The following ZNF586 variants were observed in gnomAD, a reference collection of about 807,000 sequenced individuals.
ZNF586 encodes zinc finger protein 586.
A neutral mutation model predicts 6.7 loss-of-function variants in ZNF586; 7 were observed. The observed-to-expected ratio is 1.04, with a 90% confidence interval of 0.59 to 1.95. ZNF586 has a LOEUF of 1.95. Ranked by LOEUF, ZNF586 falls within the 30% of genes most tolerant of loss-of-function variation. ZNF586 has a pLI of 0.00. For synonymous variants in ZNF586, 166 were observed against 168.7 expected (o/e 0.98, Z 0.12); for missense variants, 442 against 489.6 (o/e 0.90, Z 0.92).
intron 2 of ZNF586, among the ~76,000 whole-genome samples, chr19:57,777,028 G>A (rs530286332): frequency 2.6e-5 from 4 of 152,056 alleles, no homozygotes; most frequent in African/African-American, 9.7e-5. Flanking sequence ...ACGAATTGTC[G>A]TCACTGATGT....
In ZNF586 at chr19:57,779,551, T is replaced by A; in HGVS notation, c.964T>A (p.Cys322Ser). 10 of 1,613,798 alleles carry A rather than the reference T, an allele frequency of 6.2e-6. No individual in the cohort carries two copies. Among genetic ancestry groups the A allele is most frequent in the Non-Finnish European group, 8.5e-6 (10 of 1,179,968 alleles). The change falls in exon 3 of 3, where the codon TGT becomes AGT. Residue 322 changes from cysteine (C) to serine (S), a missense_variant. Cys to Ser is a moderately radical substitution (Grantham distance 112). Coordinates refer to ENST00000396154, the MANE Select transcript of ZNF586 (RefSeq NM_017652.4). ...HTGERHECGQ[C>S]GKSFSRKSSL... ...TGGAGAAAGGCATGAGTGCGGGCAGTGTGGGAAATCCTTTAGCCGAAAATC... is the reference window on the plus strand; with the variant it reads ...TGGAGAAAGGCATGAGTGCGGGCAGAGTGGGAAATCCTTTAGCCGAAAATC...
chr19:57,770,016 T>A, intron 1 of ZNF586, 138 bp downstream of exon 1: 3 of 802,572 alleles, frequency 3.7e-6, no homozygotes, highest in Non-Finnish European at 5.6e-6. Flanking sequence ...GTGGGATCCC[T>A]GTTTCCGACA....
chr19:57,775,163 AT>A (rs1483239061), intron 1 of ZNF586, among the ~76,000 whole-genome samples: 8 of 151,920 alleles, frequency 5.3e-5, no homozygotes, highest in Non-Finnish European at 1.2e-4. Context: ...CACCCGGCTA[AT>A]TTTTGTATTT....
chr19:57,776,424 C>A, intron 1 of ZNF586, 119 bp from the exon 2 acceptor site: 1 of 1,331,458 alleles, frequency 7.5e-7, no homozygotes, highest in South Asian at 1.6e-5. Context: ...CAAAATTTCT[C>A]CTCTGAGTTG....
In ZNF586 at chr19:57,776,612, C is replaced by T. The variant is rs868685360; in HGVS notation, c.106C>T (p.Gln36Ter). Residue 36 changes from glutamine (Q) to a stop codon, truncating the protein, a stop_gained, in exon 2 of 3, where the codon CAG becomes TAG. Transcript: ENST00000396154. LOFTEE classifies it high-confidence loss of function. The stretch of plus-strand genomic sequence containing the variant: ...GGAATGGAGTCTTCTTAATGAGGCT[C>T]AGAGATGCCTGTACCGTGACGTGAT... The part of the protein sequence containing the change: ...LEEWSLLNEA[Q>*]RCLYRDVMLE... 6.2e-7 allele frequency: 1 copy of T among 1,613,550 alleles called. No individual in the cohort carries two copies. Among genetic ancestry groups the T allele is most frequent in the South Asian group, 1.1e-5 (1 of 91,042 alleles).
intron 1 of ZNF586, 149 bp downstream of exon 1, chr19:57,770,027 C>T (rs921255844): frequency 2.7e-6 from 2 of 750,620 alleles, no homozygotes; most frequent in South Asian, 2.0e-5. Context: ...GTTTCCGACA[C>T]CCAGTTGATG....
intron 1 of ZNF586, among the ~76,000 whole-genome samples, chr19:57,770,590 G>C (rs1987071164): frequency 6.6e-6 from 1 of 152,232 alleles, no homozygotes; most frequent in Admixed American, 6.5e-5. Flanking sequence ...TGAGGACATT[G>C]AGAGGTTGAA....
At chr19:57,771,661 T>C (rs1297421007) in intron 1 of ZNF586, among the ~76,000 whole-genome samples, 1 of 152,084 alleles carries the variant, frequency 6.6e-6, no homozygotes, top group Non-Finnish European at 1.5e-5. Flanking sequence ...ACCAATTTCT[T>C]AATAGGCGCT....
chr19:57,774,861 C>A, intron 1 of ZNF586: 1 of 527,986 alleles, frequency 1.9e-6, no homozygotes, highest in Non-Finnish European at 2.4e-6. Context: ...CCAGTACTAC[C>A]TCACATGGTC....
chr19:57,771,368 C>G (rs1012280408), intron 1 of ZNF586, among the ~76,000 whole-genome samples: 1 of 151,546 alleles, frequency 6.6e-6, no homozygotes, highest in African/African-American at 2.4e-5. Context: ...GTCTCGAACC[C>G]TTGGGCTCAA....
intron 1 of ZNF586, among the ~76,000 whole-genome samples, chr19:57,775,620 T>TTTGG (rs1987215872): frequency 6.7e-6 from 1 of 149,470 alleles, no homozygotes; most frequent in African/African-American, 2.5e-5. Flanking sequence ...TTTTTTTTTT[T>TTTGG]GAGACAGGGT....
intron 1 of ZNF586, among the ~76,000 whole-genome samples, chr19:57,772,673 T>TA (rs1987125245): frequency 6.6e-6 from 1 of 152,152 alleles, no homozygotes; most frequent in African/African-American, 2.4e-5. Flanking sequence ...AAGAGATGCA[T>TA]AAGGGGAAGC....
chr19:57,777,022 A>G (rs1413312748), intron 2 of ZNF586, among the ~76,000 whole-genome samples: 1 of 152,028 alleles, frequency 6.6e-6, no homozygotes, highest in Non-Finnish European at 1.5e-5. Context: ...CATGCTACGA[A>G]TTGTCGTCAC....
intron 1 of ZNF586, among the ~76,000 whole-genome samples, chr19:57,771,663 A>T (rs142377188): frequency 3.3e-5 from 5 of 152,222 alleles, no homozygotes; most frequent in African/African-American, 1.2e-4. Context: ...CAATTTCTTA[A>T]TAGGCGCTGT....
Position 57,778,839 on chromosome 19 carries a change from A to G in ZNF586, c.252A>G (p.Gly84=). The G allele has an allele frequency of 1.2e-6, 2 of 1,614,232 alleles. No individual in the cohort carries two copies. Among genetic ancestry groups the G allele is most frequent in the Non-Finnish European group, 1.7e-6 (2 of 1,180,050 alleles). Residue 84 remains glycine (G), a synonymous_variant, in exon 3 of 3, where the codon GGA becomes GGG. Transcript: ENST00000396154. ...ACAAAGACCAGGGAGGTCATAGTGG[A>G]GAAAGGCCTTATGAGTGTGGGGAAT... ...HIYKDQGGHS[G]ERPYECGEYR...
In ZNF586 at chr19:57,779,299, G is replaced by C; in HGVS notation, c.712G>C (p.Glu238Gln). ...HTGERPYECSECGRSFAENSS... is the reference protein window; with the variant it reads ...HTGERPYECSQCGRSFAENSS... ...TGGAGAGAGGCCTTATGAGTGCAGT[G>C]AATGTGGGAGATCCTTTGCTGAAAA... Residue 238 changes from glutamate (E) to glutamine (Q), a missense_variant, in exon 3 of 3, where the codon GAA (glutamate) becomes CAA (glutamine). Physicochemically the swap from Glu to Gln is conservative, Grantham distance 29. Coordinates refer to ENST00000396154, the MANE Select transcript of ZNF586 (RefSeq NM_017652.4). 3.1e-6 allele frequency: 5 copies of C among 1,614,116 alleles called. No homozygotes were observed. Among genetic ancestry groups the C allele is most frequent in the Admixed American group, 3.3e-5 (2 of 60,022 alleles).
intron 1 of ZNF586, among the ~76,000 whole-genome samples, chr19:57,773,978 G>A (rs1320142053): frequency 1.3e-5 from 2 of 152,254 alleles, no homozygotes; most frequent in South Asian, 4.1e-4. Context: ...CACTGTGGGA[G>A]GCCAAGGTGG....
chr19:57,775,870 G>A (rs1987223990), intron 1 of ZNF586, among the ~76,000 whole-genome samples: 1 of 152,144 alleles, frequency 6.6e-6, no homozygotes, highest in Non-Finnish European at 1.5e-5. Flanking sequence ...CCAAATTACT[G>A]GGATTACAGG....
intron 1 of ZNF586, among the ~76,000 whole-genome samples, chr19:57,775,971 G>T (rs144284632): frequency 3.9e-5 from 6 of 152,332 alleles, no homozygotes; most frequent in African/African-American, 9.6e-5. Context: ...TCTCTCAAGC[G>T]CTGAGCATAT....
Sources: gnomAD v4.1 joint callset for allele counts (sites outside exome capture counted in the v4.1 genomes callset) on GRCh38, gnomAD v4.1.1 for gene constraint, MANE v1.5 for transcripts, NCBI Gene and HGNC (gene_info 2026-07-23, HGNC 2026-07-21) for gene names.